Variants in XKR4 observed in about 807,000 individuals in gnomAD.
The protein encoded by XKR4 is XK related 4.
Under a neutral mutation model 53.9 loss-of-function variants are expected in XKR4, and 12 were observed. The observed-to-expected ratio is 0.22, with a 90% confidence interval of 0.14 to 0.36. The LOEUF (loss-of-function observed/expected upper bound fraction) is 0.36. Among genes scored for constraint, XKR4 ranks in the 10% least tolerant of loss-of-function variants. The pLI, the probability that XKR4 is intolerant of heterozygous loss-of-function variation, is 1.00. For synonymous variants in XKR4, 354 were observed against 362.4 expected, an observed-to-expected ratio of 0.98 and a Z score of 0.26; for missense variants, 799 against 859.5, an observed-to-expected ratio of 0.93 and a Z score of 0.88.
intron 2 of XKR4, among the ~76,000 whole-genome samples, chr8:55,392,115 C>T (rs1321730742): frequency 1.3e-5 from 2 of 152,184 alleles, no homozygotes; most frequent in Non-Finnish European, 2.9e-5. Flanking sequence ...AGGATGAGCT[C>T]ATGATTTTTT....
At chr8:55,242,341 G>T (rs774811629) in intron 1 of XKR4, among the ~76,000 whole-genome samples, 1 of 152,096 alleles carries the variant, frequency 6.6e-6, no homozygotes, top group Non-Finnish European at 1.5e-5. Context: ...GTGGGAACCC[G>T]TCTACAGCAG....
At chr8:55,218,045 A>C (rs543153274) in intron 1 of XKR4, among the ~76,000 whole-genome samples, 1 of 152,324 alleles carries the variant, frequency 6.6e-6, no homozygotes, top group African/African-American at 2.4e-5. Context: ...GTCTCAAAAA[A>C]ATAATAGGAG....
intron 2 of XKR4, among the ~76,000 whole-genome samples, chr8:55,482,159 A>G (rs1806119070): frequency 6.6e-6 from 1 of 152,144 alleles, no homozygotes; most frequent in South Asian, 2.1e-4. Flanking sequence ...ATGTCCAACA[A>G]TGATAGACTG....
chr8:55,406,760 C>A (rs1216631531), intron 2 of XKR4, among the ~76,000 whole-genome samples: 16 of 152,172 alleles, frequency 1.1e-4, no homozygotes, highest in Admixed American at 1.0e-3. Context: ...CTTTTGGCCA[C>A]AAATGTCTAA....
intron 2 of XKR4, among the ~76,000 whole-genome samples, chr8:55,375,757 G>A (rs987668528): frequency 2.0e-5 from 3 of 149,658 alleles, no homozygotes; most frequent in Admixed American, 1.3e-4. Context: ...CAGGGTACAC[G>A]TGCAGGATGT....
intron 2 of XKR4, among the ~76,000 whole-genome samples, chr8:55,469,673 ATAGAGTGTGT>A: frequency 6.6e-6 from 1 of 152,290 alleles, no homozygotes; most frequent in South Asian, 2.1e-4. Flanking sequence ...GACAATGAGG[ATAGAGTGTGT>A]TAGAGCTGTA....
intron 1 of XKR4, among the ~76,000 whole-genome samples, chr8:55,355,314 G>A (rs543317676): frequency 6.6e-6 from 1 of 151,976 alleles, no homozygotes; most frequent in East Asian, 1.9e-4. Flanking sequence ...ACGGAGAGGA[G>A]GAAAAATCAA....
intron 2 of XKR4, among the ~76,000 whole-genome samples, chr8:55,419,112 C>T (rs1401926643): frequency 2.6e-5 from 4 of 152,192 alleles, no homozygotes; most frequent in South Asian, 4.2e-4. Context: ...GGGCCAGGCA[C>T]GGTGGCTCAC....
chr8:55,524,541 C>T lies in XKR4; in HGVS notation c.*314C>T, dbSNP rs1806855028. On this transcript the variant is annotated 3_prime_UTR_variant, in exon 3 of 3. Coordinates refer to ENST00000327381, the MANE Select transcript of XKR4 (RefSeq NM_052898.2). ...CTACTATTATGGAAAAATTTTGCCT[C>T]CAATCATTAGGGTGTCTTGATGGCG... The T allele has an allele frequency of 3.0e-6, 1 of 333,032 alleles. No homozygotes were observed. Among genetic ancestry groups the T allele is most frequent in the Non-Finnish European group, 5.5e-6 (1 of 182,028 alleles). The allele number at this position is 333,032 out of a possible 1,614,324, so 20.6% of individuals were successfully genotyped here.
rs2129406375 is a variant in XKR4 at position 55,527,502 on chromosome 8, T to C, written c.*3275T>C. Reference sequence around the variant, plus strand: ...TGAAACCATGTTTAATGAATATATATAATGTGTGTGTGTGTATCTTAACCA... The same window carrying C: ...TGAAACCATGTTTAATGAATATATACAATGTGTGTGTGTGTATCTTAACCA... On this transcript the variant is annotated 3_prime_UTR_variant, in exon 3 of 3. Coordinates refer to ENST00000327381, the MANE Select transcript of XKR4 (RefSeq NM_052898.2). 6.6e-6 allele frequency: 1 copy of C among 152,328 alleles called. No homozygotes were observed. Among genetic ancestry groups the C allele is most frequent in the South Asian group, 2.1e-4 (1 of 4,828 alleles). The allele number at this position is 152,328 out of a possible 1,614,324, so 9.4% of individuals were successfully genotyped here. A position where few individuals can be genotyped will look rare whatever the true frequency, so the allele number is the denominator to read the frequency against.
At chr8:55,249,617 C>T (rs931677229) in intron 1 of XKR4, among the ~76,000 whole-genome samples, 5 of 152,192 alleles carry the variant, frequency 3.3e-5, no homozygotes, top group East Asian at 1.9e-4. Flanking sequence ...AGATTATGTT[C>T]TTTCCAGTTG....
chr8:55,454,551 G>T, intron 2 of XKR4: 3 of 1,431,490 alleles, frequency 2.1e-6, no homozygotes, highest in Non-Finnish European at 2.9e-6. Context: ...AGCTGCTGAT[G>T]GGCAGGGAGT....
chr8:55,454,908 C>G, intron 2 of XKR4: 1 of 769,822 alleles, frequency 1.3e-6, no homozygotes, highest in Non-Finnish European at 2.4e-6. Flanking sequence ...GGTCAAGCAG[C>G]ACAGTAGTGG....
intron 1 of XKR4, among the ~76,000 whole-genome samples, chr8:55,103,851 G>GTGTATATATA (rs1187141027): frequency 2.3e-4 from 24 of 106,002 alleles, no homozygotes; most frequent in South Asian, 3.5e-4. Flanking sequence ...AAATGACTTT[G>GTGTATATATA]TATATATATA....
At chr8:55,209,278 G>A (rs968343315) in intron 1 of XKR4, among the ~76,000 whole-genome samples, 2 of 151,910 alleles carry the variant, frequency 1.3e-5, no homozygotes, top group African/African-American at 2.4e-5. Flanking sequence ...CATGCACTGA[G>A]CTCAGTGCTT....
At chr8:55,304,845 C>T (rs1182458704) in intron 1 of XKR4, among the ~76,000 whole-genome samples, 2 of 152,088 alleles carry the variant, frequency 1.3e-5, no homozygotes, top group South Asian at 2.1e-4. Context: ...TTTCTATTTG[C>T]TTGGTAGCTC....
At chr8:55,303,832 T>C (rs1243996825) in intron 1 of XKR4, among the ~76,000 whole-genome samples, 1 of 152,244 alleles carries the variant, frequency 6.6e-6, no homozygotes, top group Non-Finnish European at 1.5e-5. Flanking sequence ...TTCTGTGGGA[T>C]CGGTGGTGAT....
chr8:55,402,848 G>T (rs1804623347), intron 2 of XKR4, among the ~76,000 whole-genome samples: 1 of 152,174 alleles, frequency 6.6e-6, no homozygotes, highest in South Asian at 2.1e-4. Flanking sequence ...AAACTAGGCA[G>T]GGAAAACACA....
chr8:55,490,029 A>G (rs1243473236), intron 2 of XKR4, among the ~76,000 whole-genome samples: 2 of 152,212 alleles, frequency 1.3e-5, no homozygotes, highest in Non-Finnish European at 2.9e-5. Context: ...TTTTACATAA[A>G]TTGAAAGTTT....
Sources: allele counts gnomAD v4.1 joint callset (sites outside exome capture counted in the v4.1 genomes callset), GRCh38; gene constraint gnomAD v4.1.1; transcripts MANE v1.5; gene names NCBI Gene and HGNC (gene_info 2026-07-23, HGNC 2026-07-21).